The following NKAIN3 variants were observed in gnomAD, a reference collection of about 807,000 sequenced individuals.
NKAIN3 encodes sodium/potassium-transporting ATPase subunit beta-1-interacting protein 3.
A neutral mutation model predicts 30.2 loss-of-function variants in NKAIN3; 25 were observed. The ratio of observed to expected loss-of-function variants is 0.83; its 90% CI spans 0.60 to 1.16. The LOEUF (loss-of-function observed/expected upper bound fraction) is 1.16. Ranked by LOEUF, NKAIN3 falls within the 50% of genes most tolerant of loss-of-function variation. The probability of loss-of-function intolerance (pLI) is 0.00; values close to 1 mark genes in which losing one functional copy is unlikely to be tolerated. For synonymous variants in NKAIN3, 91 were observed against 89.6 expected, an observed-to-expected ratio of 1.02 and a Z score of -0.09; for missense variants, 225 against 254.1, an observed-to-expected ratio of 0.89 and a Z score of 0.78.
chr8:62,988,486 C>T (rs183765359), downstream of NKAIN3, among the ~76,000 whole-genome samples: 152 of 152,378 alleles, frequency 1.0e-3, no homozygotes, highest in African/African-American at 3.6e-3. Flanking sequence ...CAGTTCTTGA[C>T]TTCTATGCAC....
chr8:62,632,075 C>T (rs16929314), intron 3 of NKAIN3, among the ~76,000 whole-genome samples: 16,502 of 152,142 alleles, frequency 0.11, 1,109 homozygotes, highest in East Asian at 0.32. Context: ...AAGTGGGTCA[C>T]ACCCAAGTGA....
chr8:62,856,155 A>G (rs1820053222), intron 4 of NKAIN3: 1 of 735,662 alleles, frequency 1.4e-6, no homozygotes, highest in African/African-American at 1.7e-5. Flanking sequence ...TAGATCTCAG[A>G]CCTCTTGGTA....
At chr8:62,460,190 T>A (rs1175624420) in intron 1 of NKAIN3, among the ~76,000 whole-genome samples, 1 of 151,600 alleles carries the variant, frequency 6.6e-6, no homozygotes, top group African/African-American at 2.4e-5. Context: ...AGGCAGTGGA[T>A]CATCTGAGGT....
Position 62,893,512 on chromosome 8 carries a change from T to C in NKAIN3, c.472-24941T>C, listed in dbSNP as rs535036662. Among the ~76,000 whole-genome samples, 13 of 152,322 alleles carry C rather than the reference T, an allele frequency of 8.5e-5. No homozygotes were observed. In the East Asian group the frequency reaches 2.5e-3, roughly 29 times the overall value. Reference sequence around the variant, plus strand: ...ATATGAACCAAATGAAATATATCTATAAGCTATGGGCTATGGGCTGGACAT... The same window carrying C: ...ATATGAACCAAATGAAATATATCTACAAGCTATGGGCTATGGGCTGGACAT... On this transcript the variant is annotated intron_variant, in intron 4 of 6. Coordinates refer to ENST00000623646, the MANE Select transcript of NKAIN3 (RefSeq NM_001304533.3).
At chr8:62,738,572 C>G (rs1367820973) in intron 3 of NKAIN3, among the ~76,000 whole-genome samples, 7 of 132,186 alleles carry the variant, frequency 5.3e-5, no homozygotes, top group Non-Finnish European at 1.1e-4. Flanking sequence ...GCACTCCACC[C>G]TGGGTGACAG....
At chr8:62,430,358 T>C (rs946193626) in intron 1 of NKAIN3, among the ~76,000 whole-genome samples, 4 of 133,152 alleles carry the variant, frequency 3.0e-5, no homozygotes, top group African/African-American at 8.6e-5. Context: ...TACATACATA[T>C]ATATTGTGGT....
At chr8:62,724,191 A>G (rs1277957001) in intron 3 of NKAIN3, among the ~76,000 whole-genome samples, 1 of 152,146 alleles carries the variant, frequency 6.6e-6, no homozygotes, top group Admixed American at 6.5e-5. Flanking sequence ...ATTATACATA[A>G]GAAAGTATGC....
chr8:62,625,436 A>G (rs971381917), intron 3 of NKAIN3, among the ~76,000 whole-genome samples: 7 of 152,062 alleles, frequency 4.6e-5, no homozygotes, highest in Admixed American at 3.9e-4. Flanking sequence ...TTTTGACTCA[A>G]AATCTACTTA....
intron 4 of NKAIN3, among the ~76,000 whole-genome samples, chr8:62,784,376 G>A (rs747699361): frequency 6.6e-6 from 1 of 151,920 alleles, no homozygotes; most frequent in South Asian, 2.1e-4. Context: ...AACTGATAAA[G>A]CTTTAGCTAG....
At chr8:62,863,556 C>T in intron 4 of NKAIN3, 2 of 1,210,194 alleles carry the variant, frequency 1.7e-6, no homozygotes, top group South Asian at 1.2e-5. Context: ...TGGCCAAGTA[C>T]TCCCAAGACC....
chr8:62,968,859 T>C lies in NKAIN3; in HGVS notation c.*3452T>C, dbSNP rs867564225. 6.6e-6 allele frequency among the ~76,000 whole-genome samples: 1 copy of C among 152,196 alleles called. No homozygotes were observed. The highest frequency in any genetic ancestry group is 2.4e-5 in the African/African-American group (1 of 41,442). The stretch of plus-strand genomic sequence containing the variant: ...TTCTTTATTTGAGCTTCTGGTCATG[T>C]TTCAAAGCCATCAAAATCTAAGCAA... On this transcript the variant is annotated 3_prime_UTR_variant, in exon 7 of 7. Transcript: ENST00000623646.
At chr8:62,850,575 T>G (rs1056060602) in intron 4 of NKAIN3, among the ~76,000 whole-genome samples, 5 of 152,180 alleles carry the variant, frequency 3.3e-5, no homozygotes, top group Non-Finnish European at 7.3e-5. Flanking sequence ...CTTCTAGGGT[T>G]TTTATGGTTT....
chr8:62,577,007 G>A (rs1457609279), intron 1 of NKAIN3, among the ~76,000 whole-genome samples: 1 of 152,100 alleles, frequency 6.6e-6, no homozygotes, highest in African/African-American at 2.4e-5. Context: ...AAGTTAGATA[G>A]AATAATTAGG....
At chr8:62,540,347 C>T (rs1585923299) in intron 1 of NKAIN3, among the ~76,000 whole-genome samples, 1 of 152,166 alleles carries the variant, frequency 6.6e-6, no homozygotes, top group South Asian at 2.1e-4. Context: ...TCATAATTAA[C>T]CTCCTACTAC....
At chr8:62,437,215 A>G (rs1805197874) in intron 1 of NKAIN3, among the ~76,000 whole-genome samples, 1 of 152,216 alleles carries the variant, frequency 6.6e-6, no homozygotes, top group Non-Finnish European at 1.5e-5. Flanking sequence ...TTAGTGATCT[A>G]TAATATCTCA....
At chr8:62,854,810 CAT>C (rs1203641360) in intron 4 of NKAIN3, among the ~76,000 whole-genome samples, 1 of 152,072 alleles carries the variant, frequency 6.6e-6, no homozygotes, top group Non-Finnish European at 1.5e-5. Flanking sequence ...TGTGCACTTC[CAT>C]ATGTTTTTGT....
intron 4 of NKAIN3, among the ~76,000 whole-genome samples, chr8:62,807,653 A>G (rs911932281): frequency 2.0e-5 from 3 of 150,558 alleles, no homozygotes; most frequent in East Asian, 2.0e-4. Context: ...CCCGGGTTCA[A>G]GCAATTCTCC....
intron 4 of NKAIN3, among the ~76,000 whole-genome samples, chr8:62,818,254 G>C (rs1818745932): frequency 1.3e-5 from 2 of 152,128 alleles, no homozygotes; most frequent in Admixed American, 6.6e-5. Flanking sequence ...GCCAAATGAA[G>C]TGTTCCCAGG....
rs183471669 is a variant in NKAIN3, at chr8:62,415,343, G to T, written c.55-164196G>T. Among the ~76,000 whole-genome samples, 198 of 146,828 alleles carry T rather than the reference G, an allele frequency of 1.3e-3. 1 individual carries two copies. The highest frequency in any genetic ancestry group is 0.01 in the Admixed American group (150 of 14,408). On this transcript the variant is annotated intron_variant, in intron 1 of 6. Coordinates refer to ENST00000623646, the MANE Select transcript of NKAIN3 (RefSeq NM_001304533.3). ...CTTGTAAAGCTTGAGATGATAAATA[G>T]ATGATGATGATGATGAGAGAGATCA...
Sources: gnomAD v4.1 joint callset for allele counts (sites outside exome capture counted in the v4.1 genomes callset) on GRCh38, gnomAD v4.1.1 for gene constraint, MANE v1.5 for transcripts, NCBI Gene and HGNC (gene_info 2026-07-23, HGNC 2026-07-21) for gene names.